Variants in DNAH7 observed in about 807,000 individuals in gnomAD.
DNAH7 encodes axonemal beta dynein heavy chain 7.
A neutral mutation model predicts 444.6 loss-of-function variants in DNAH7; 397 were observed. The ratio of observed to expected loss-of-function variants is 0.89; its 90% CI spans 0.82 to 0.97. The LOEUF (loss-of-function observed/expected upper bound fraction) is 0.97. Among genes scored for constraint, DNAH7 ranks in the 50% least tolerant of loss-of-function variants. The probability of loss-of-function intolerance (pLI) is 0.00; values close to 1 mark genes in which losing one functional copy is unlikely to be tolerated. For synonymous variants in DNAH7, 1,636 were observed against 1,624.4 expected, an observed-to-expected ratio of 1.01 and a Z score of -0.17; for missense variants, 4,902 against 4,800.8, an observed-to-expected ratio of 1.02 and a Z score of -0.62.
chr2:195,869,394 A>G (rs1430858687), intron 40 of DNAH7, among the ~76,000 whole-genome samples: 1 of 106,292 alleles, frequency 9.4e-6, no homozygotes, highest in Non-Finnish European at 2.0e-5. Context: ...CTGCAGTAAG[A>G]AAAAAAAAAG....
intron 61 of DNAH7, among the ~76,000 whole-genome samples, chr2:195,769,117 A>C (rs111542312): frequency 1.4e-3 from 211 of 152,318 alleles, no homozygotes; most frequent in African/African-American, 4.6e-3. Context: ...TGAAATATGA[A>C]GAGAATGATG....
intron 9 of DNAH7, among the ~76,000 whole-genome samples, chr2:196,014,789 C>T (rs1007205046): frequency 2.0e-5 from 3 of 152,120 alleles, no homozygotes; most frequent in Admixed American, 1.3e-4. Context: ...TTGCTTTTGC[C>T]GTCCTCCTTT....
chr2:195,990,622 G>T (rs2130364), intron 12 of DNAH7, among the ~76,000 whole-genome samples: 15,147 of 151,696 alleles, frequency 0.1, 1,716 homozygotes, highest in African/African-American at 0.28. Context: ...TCATGCCACT[G>T]CACTCCAACC....
intron 10 of DNAH7, 113 bp from the exon 11 acceptor site, chr2:196,001,971 T>A: frequency 1.3e-6 from 1 of 748,880 alleles, no homozygotes. Context: ...AGAAGTATAT[T>A]GCTAAATGAT....
At chr2:195,827,392 CT>C (rs1458298589) in intron 48 of DNAH7, among the ~76,000 whole-genome samples, 3 of 151,816 alleles carry the variant, frequency 2.0e-5, no homozygotes, top group African/African-American at 7.3e-5. Flanking sequence ...ATCTTCCCAC[CT>C]CAGCCTCCTG....
At chr2:195,905,954 G>C (rs1686989457) in intron 27 of DNAH7, among the ~76,000 whole-genome samples, 1 of 152,040 alleles carries the variant, frequency 6.6e-6, no homozygotes. Flanking sequence ...ACTACTCATT[G>C]TGATATTATT....
chr2:196,068,409 G>T lies in DNAH7; in HGVS notation c.15+288C>A, dbSNP rs545548424. 1.1e-5 allele frequency: 5 copies of T among 454,382 alleles called. No homozygotes were observed. In the Admixed American group the frequency reaches 1.2e-4, roughly 11 times the overall value. 28.1% of individuals were successfully genotyped at this position (454,382 alleles called of 1,614,324 possible). Reference sequence around the variant, plus strand: ...GAGCCGCCTCTCACCCAAGCACACCGCCATTAGCACTCTGGGGGTGCTCTG... The same window carrying T: ...GAGCCGCCTCTCACCCAAGCACACCTCCATTAGCACTCTGGGGGTGCTCTG... On this transcript the variant is annotated intron_variant, in intron 1 of 64. Transcript: ENST00000312428.
chr2:195,829,267 T>A (rs2124936127), intron 48 of DNAH7, among the ~76,000 whole-genome samples: 1 of 152,270 alleles, frequency 6.6e-6, no homozygotes, highest in African/African-American at 2.4e-5. Context: ...TACCTTTCAG[T>A]TAATTATCTT....
At chr2:195,758,925 C>T (rs1694212495) in intron 61 of DNAH7, among the ~76,000 whole-genome samples, 1 of 152,226 alleles carries the variant, frequency 6.6e-6, no homozygotes, top group Non-Finnish European at 1.5e-5. Context: ...AGCTAAAGTG[C>T]TCTGGGGTTC....
intron 44 of DNAH7, among the ~76,000 whole-genome samples, chr2:195,856,925 T>A (rs1345918027): frequency 6.6e-6 from 1 of 152,102 alleles, no homozygotes; most frequent in African/African-American, 2.4e-5. Flanking sequence ...AACCACACAT[T>A]AAAGAGATTT....
chr2:195,813,583 C>T (rs752098336), intron 51 of DNAH7, among the ~76,000 whole-genome samples: 2 of 152,126 alleles, frequency 1.3e-5, no homozygotes, highest in Non-Finnish European at 2.9e-5. Context: ...CTGGATAAAG[C>T]CAGTTTGCTA....
At chr2:195,808,448 G>A (rs1696807449) in intron 53 of DNAH7, among the ~76,000 whole-genome samples, 1 of 152,134 alleles carries the variant, frequency 6.6e-6, no homozygotes, top group Non-Finnish European at 1.5e-5. Context: ...AATTCAACAA[G>A]TATATTCTCA....
At chr2:195,849,620 A>T (rs543215360) in intron 46 of DNAH7, among the ~76,000 whole-genome samples, 9 of 151,924 alleles carry the variant, frequency 5.9e-5, no homozygotes, top group African/African-American at 2.2e-4. Flanking sequence ...TATTTTTTTG[A>T]GACGGAATCT....
chr2:195,967,560 T>C (rs1474431708), intron 17 of DNAH7, among the ~76,000 whole-genome samples: 2 of 152,186 alleles, frequency 1.3e-5, no homozygotes, highest in Non-Finnish European at 2.9e-5. Flanking sequence ...CTCTCAGCTT[T>C]TGTTTGTCTG....
chr2:196,067,160 GT>G (rs1575138370), intron 1 of DNAH7, among the ~76,000 whole-genome samples: 5 of 152,126 alleles, frequency 3.3e-5, no homozygotes. Flanking sequence ...CGGCTGGTGG[GT>G]TTTTTGTGGA....
intron 49 of DNAH7, among the ~76,000 whole-genome samples, chr2:195,821,620 A>G (rs1697476956): frequency 6.6e-6 from 1 of 152,174 alleles, no homozygotes; most frequent in Non-Finnish European, 1.5e-5. Context: ...GAATAATTGA[A>G]GGTTGTTTGA....
At chr2:195,919,422 G>A (rs1687887437) in intron 24 of DNAH7, among the ~76,000 whole-genome samples, 2 of 152,000 alleles carry the variant, frequency 1.3e-5, no homozygotes, top group Non-Finnish European at 2.9e-5. Context: ...TCGGCTCACT[G>A]CAGCCTCCAC....
chr2:195,747,390 G>A (rs1693491813), intron 63 of DNAH7, among the ~76,000 whole-genome samples: 1 of 152,178 alleles, frequency 6.6e-6, no homozygotes, highest in African/African-American at 2.4e-5. Context: ...CGGATTCACA[G>A]CCTAATTCTA....
rs759148424 is a variant in DNAH7, at chr2:195,895,146, T to A, written c.4726A>T (p.Asn1576Tyr). 4.3e-6 allele frequency: 7 copies of A among 1,613,392 alleles called. No individual in the cohort carries two copies. In the African/African-American group the frequency reaches 8.0e-5, roughly 18 times the overall value. ...YNDLLAAIKD[N>Y]CASMNLQMTA... Reference sequence around the variant, plus strand: ...ATTTGCAAATTCATGGAGGCACAATTGTCTTTGATAGCTGCCAGCAAATCA... The same window carrying A: ...ATTTGCAAATTCATGGAGGCACAATAGTCTTTGATAGCTGCCAGCAAATCA... Residue 1576 changes from asparagine (N) to tyrosine (Y), a missense_variant, in exon 30 of 65, where the codon AAT (asparagine) becomes TAT (tyrosine). Transcript: ENST00000312428.
Sources: allele counts gnomAD v4.1 joint callset (sites outside exome capture counted in the v4.1 genomes callset), GRCh38; gene constraint gnomAD v4.1.1; transcripts MANE v1.5; gene names NCBI Gene and HGNC (gene_info 2026-07-23, HGNC 2026-07-21).